Variants in KCNMA1 observed in about 807,000 individuals in gnomAD.
KCNMA1 encodes Calcium-activated potassium channel subunit alpha-1.
KCNMA1 carries 29 observed loss-of-function variants against 140.0 expected under a neutral mutation model. That is an observed-to-expected ratio of 0.21 (90% CI 0.15 to 0.28). The LOEUF is 0.28. Ranked by LOEUF, KCNMA1 falls within the 10% of genes least tolerant of loss-of-function variation. KCNMA1 has a pLI of 1.00. For missense variants in KCNMA1, 880 were observed against 1,602.2 expected, an observed-to-expected ratio of 0.55 and a Z score of 7.70; for synonymous variants, 612 against 611.9, an observed-to-expected ratio of 1.00 and a Z score of 0.00.
At chr10:76,933,618 T>C (rs1416220475) in intron 23 of KCNMA1, among the ~76,000 whole-genome samples, 1 of 152,190 alleles carries the variant, frequency 6.6e-6, no homozygotes, top group African/African-American at 2.4e-5. Context: ...ATCACACTTA[T>C]TTTCAAATTC....
chr10:77,524,861 T>A (rs572193848), intron 1 of KCNMA1, among the ~76,000 whole-genome samples: 1 of 151,930 alleles, frequency 6.6e-6, no homozygotes, highest in Non-Finnish European at 1.5e-5. Flanking sequence ...GAGGAGGAAA[T>A]AATATGAGCC....
chr10:77,579,468 A>G (rs540299063), intron 1 of KCNMA1, among the ~76,000 whole-genome samples: 2 of 152,394 alleles, frequency 1.3e-5, no homozygotes, highest in South Asian at 2.1e-4. Context: ...CTCTTTCCCA[A>G]TAAAACTTTA....
At chr10:77,404,948 A>T (rs1204728977) in intron 1 of KCNMA1, among the ~76,000 whole-genome samples, 2 of 152,196 alleles carry the variant, frequency 1.3e-5, no homozygotes, top group African/African-American at 4.8e-5. Flanking sequence ...AAAGTAATAG[A>T]CTACTGATGT....
intron 3 of KCNMA1, among the ~76,000 whole-genome samples, chr10:77,244,446 G>A (rs1228236393): frequency 6.6e-6 from 1 of 152,172 alleles, no homozygotes; most frequent in Non-Finnish European, 1.5e-5. Flanking sequence ...CATTGCCTAC[G>A]ATGCCTAGGT....
intron 1 of KCNMA1, among the ~76,000 whole-genome samples, chr10:77,460,806 A>G (rs913165257): frequency 6.6e-6 from 1 of 152,108 alleles, no homozygotes; most frequent in Non-Finnish European, 1.5e-5. Flanking sequence ...GGGGTGTGGG[A>G]TAAAAAATTA....
chr10:77,090,302 T>G, intron 10 of KCNMA1, 98 bp downstream of exon 10: 1 of 868,916 alleles, frequency 1.2e-6, no homozygotes, highest in African/African-American at 1.6e-5. Flanking sequence ...CCATCCCCAG[T>G]GCCATTCCCC....
At chr10:77,179,095 A>G (rs559251516) in intron 5 of KCNMA1, among the ~76,000 whole-genome samples, 1 of 152,298 alleles carries the variant, frequency 6.6e-6, no homozygotes, top group Admixed American at 6.5e-5. Flanking sequence ...GCTTCTGTTC[A>G]TTAAGCTCGT....
chr10:77,009,386 C>A (rs144089311), intron 18 of KCNMA1, among the ~76,000 whole-genome samples: 1 of 152,144 alleles, frequency 6.6e-6, no homozygotes, highest in Non-Finnish European at 1.5e-5. Context: ...GAGGCCAAAT[C>A]CTTATTTCTT....
chr10:77,146,951 CAGTT>C (rs2098313694), intron 5 of KCNMA1, among the ~76,000 whole-genome samples: 1 of 152,164 alleles, frequency 6.6e-6, no homozygotes, highest in African/African-American at 2.4e-5. Flanking sequence ...ATTTATCCCT[CAGTT>C]AGAAAGAAGT....
intron 9 of KCNMA1, among the ~76,000 whole-genome samples, chr10:77,100,631 T>A (rs2097073873): frequency 6.6e-6 from 1 of 152,184 alleles, no homozygotes; most frequent in Non-Finnish European, 1.5e-5. Context: ...GACAGCAGCA[T>A]GGAAGGAACC....
chr10:77,616,815 A>C (rs138993829), intron 1 of KCNMA1, among the ~76,000 whole-genome samples: 81 of 152,286 alleles, frequency 5.3e-4, no homozygotes, highest in African/African-American at 1.9e-3. Context: ...CAAAAAAAAA[A>C]AAAAGCCAAT....
At chr10:77,616,500 C>T (rs1010999747) in intron 1 of KCNMA1, among the ~76,000 whole-genome samples, 4 of 152,172 alleles carry the variant, frequency 2.6e-5, no homozygotes, top group African/African-American at 9.7e-5. Context: ...GTGACATCTC[C>T]CAGCATTTGA....
At chr10:76,909,261 C>T (rs1409491204) in intron 25 of KCNMA1, among the ~76,000 whole-genome samples, 1 of 152,144 alleles carries the variant, frequency 6.6e-6, no homozygotes, top group African/African-American at 2.4e-5. Flanking sequence ...TGAGCTCCAT[C>T]CACCTCCCTC....
At chr10:77,032,167 A>G (rs2093981777) in intron 15 of KCNMA1, among the ~76,000 whole-genome samples, 1 of 152,208 alleles carries the variant, frequency 6.6e-6, no homozygotes, top group African/African-American at 2.4e-5. Context: ...GGGACCTTCT[A>G]GAGACCCTCT....
intron 23 of KCNMA1, among the ~76,000 whole-genome samples, chr10:76,928,291 A>G (rs11001936): frequency 0.15 from 11,069 of 71,444 alleles, 1,069 homozygotes; most frequent in East Asian, 0.62. Flanking sequence ...ACGCGCGCGC[A>G]CACACACACA....
At chr10:77,167,742 G>A (rs1195249963) in intron 5 of KCNMA1, among the ~76,000 whole-genome samples, 1 of 151,418 alleles carries the variant, frequency 6.6e-6, no homozygotes, top group Admixed American at 6.6e-5. Flanking sequence ...AGGCTGGAGT[G>A]CAATGGCATG....
At chr10:76,962,860 G>A (rs769164847) in intron 20 of KCNMA1, among the ~76,000 whole-genome samples, 1 of 152,162 alleles carries the variant, frequency 6.6e-6, no homozygotes, top group Non-Finnish European at 1.5e-5. Flanking sequence ...CAAACCTTTC[G>A]TGGAGATCCA....
chr10:77,348,555 T>C (rs2092485910), intron 2 of KCNMA1, among the ~76,000 whole-genome samples: 1 of 152,180 alleles, frequency 6.6e-6, no homozygotes, highest in African/African-American at 2.4e-5. Context: ...CAGAACCTGC[T>C]GGAATCAATA....
At chr10:76,883,721 G>GTTTTT (rs113872996), downstream of KCNMA1, among the ~76,000 whole-genome samples, 330 of 113,166 alleles carry the variant, frequency 2.9e-3, 6 homozygotes, top group East Asian at 7.6e-3. Flanking sequence ...TTACTTCCTT[G>GTTTTT]TTTTTTTTTT....
Sources: gnomAD v4.1 joint callset for allele counts (sites outside exome capture counted in the v4.1 genomes callset) on GRCh38, gnomAD v4.1.1 for gene constraint, MANE v1.5 for transcripts, NCBI Gene and HGNC (gene_info 2026-07-23, HGNC 2026-07-21) for gene names.